The following PDE11A variants were observed in gnomAD, a reference collection of about 807,000 sequenced individuals.
PDE11A encodes phosphodiesterase 11A.
Under a neutral mutation model 100.5 loss-of-function variants are expected in PDE11A, and 100 were observed. The ratio of observed to expected loss-of-function variants is 1.00; its 90% CI spans 0.85 to 1.18. The LOEUF (loss-of-function observed/expected upper bound fraction) is 1.18, where lower values mean the gene tolerates loss of function less well. Among genes scored for constraint, PDE11A ranks in the 50% most tolerant of loss-of-function variants. The pLI is 0.00. For missense variants in PDE11A, 1,141 were observed against 1,152.6 expected (o/e 0.99, Z 0.15); for synonymous variants, 381 against 420.8 (o/e 0.91, Z 1.16).
rs2085130104 is a variant in PDE11A at position 177,926,748 on chromosome 2, T to TG, written c.1072-21562dup. 2.0e-5 allele frequency: 3 copies of TG among 151,206 alleles called. No individual in the cohort carries two copies. The South Asian group carries it at 6.4e-4, about 32-fold the overall frequency. 9.4% of individuals were successfully genotyped at this position (151,206 alleles called of 1,614,324 possible). On this transcript the variant is annotated intron_variant, in intron 2 of 19. Transcript: ENST00000286063. The stretch of plus-strand genomic sequence containing the variant: ...TTTATTTATTATTATCTACATTTCC[T>TG]GGTTTTTTTTCCTTCTACTCAGTCT...
chr2:177,886,086 A>C (rs2084425261), intron 4 of PDE11A, among the ~76,000 whole-genome samples: 1 of 152,194 alleles, frequency 6.6e-6, no homozygotes, highest in Non-Finnish European at 1.5e-5. Context: ...ACACAAAAAT[A>C]AATAGAAATA....
intron 1 of PDE11A, among the ~76,000 whole-genome samples, chr2:178,039,421 T>C (rs2086656751): frequency 6.6e-6 from 1 of 151,998 alleles, no homozygotes; most frequent in African/African-American, 2.4e-5. Flanking sequence ...AAAAAATAAA[T>C]ATTGGGTACC....
intron 9 of PDE11A, among the ~76,000 whole-genome samples, chr2:177,803,321 A>T (rs2082820143): frequency 6.6e-6 from 1 of 151,738 alleles, no homozygotes; most frequent in South Asian, 2.1e-4. Flanking sequence ...AACAACAACA[A>T]CAACAACAAC....
At chr2:177,638,860 T>A (rs923858800) in intron 19 of PDE11A, among the ~76,000 whole-genome samples, 1 of 152,238 alleles carries the variant, frequency 6.6e-6, no homozygotes, top group Non-Finnish European at 1.5e-5. Context: ...CCAGGCTGTG[T>A]GACCTCTGTG....
At chr2:177,845,732 C>T (rs1457894333) in intron 5 of PDE11A, among the ~76,000 whole-genome samples, 1 of 152,318 alleles carries the variant, frequency 6.6e-6, no homozygotes, top group African/African-American at 2.4e-5. Flanking sequence ...GCACTCCAGC[C>T]TGGGCACCAT....
intron 2 of PDE11A, among the ~76,000 whole-genome samples, chr2:177,970,593 A>G (rs2085757011): frequency 6.6e-6 from 1 of 152,022 alleles, no homozygotes; most frequent in Non-Finnish European, 1.5e-5. Flanking sequence ...TTGAGAAGCA[A>G]GCAGAAGATC....
intron 1 of PDE11A, among the ~76,000 whole-genome samples, chr2:178,027,310 G>C (rs2086490216): frequency 1.3e-5 from 2 of 152,028 alleles, no homozygotes; most frequent in South Asian, 4.2e-4. Flanking sequence ...TGTTATAAGT[G>C]GTTTTATTAT....
chr2:177,636,278 A>C (rs1283477916), intron 19 of PDE11A, among the ~76,000 whole-genome samples: 1 of 152,168 alleles, frequency 6.6e-6, no homozygotes, highest in East Asian at 1.9e-4. Flanking sequence ...TGTATACTCC[A>C]GATGCTAATT....
chr2:177,954,372 C>A (rs558969052), intron 2 of PDE11A, among the ~76,000 whole-genome samples: 2 of 152,172 alleles, frequency 1.3e-5, no homozygotes, highest in Non-Finnish European at 2.9e-5. Context: ...AGAGAGAGGT[C>A]CTTTTCAGGT....
chr2:177,713,016 A>ATT (rs35391554), intron 12 of PDE11A, among the ~76,000 whole-genome samples: 5 of 150,048 alleles, frequency 3.3e-5, no homozygotes, highest in Admixed American at 6.6e-5. Flanking sequence ...TGACAATTTT[A>ATT]TTTTTTTTTT....
chr2:177,804,721 A>ATC (rs72535727), intron 9 of PDE11A, among the ~76,000 whole-genome samples: 5 of 151,576 alleles, frequency 3.3e-5, no homozygotes, highest in African/African-American at 7.3e-5. Context: ...TTATATATAT[A>ATC]TCCACATAAT....
chr2:177,725,713 A>G (rs187873334), intron 12 of PDE11A, among the ~76,000 whole-genome samples: 156 of 152,270 alleles, frequency 1.0e-3, no homozygotes, highest in African/African-American at 3.8e-3. Context: ...GGAAAGGATC[A>G]AAATTGCCCA....
intron 1 of PDE11A, among the ~76,000 whole-genome samples, chr2:178,054,063 A>C (rs566675330): frequency 5.6e-4 from 86 of 152,328 alleles, no homozygotes; most frequent in African/African-American, 1.9e-3. Context: ...GTCAATCCTA[A>C]GCCAAAAGAA....
chr2:177,962,431 A>G (rs1397575807), intron 2 of PDE11A, among the ~76,000 whole-genome samples: 2 of 152,132 alleles, frequency 1.3e-5, no homozygotes, highest in African/African-American at 2.4e-5. Flanking sequence ...TATATAATGA[A>G]TTTATATAGT....
chr2:177,786,906 G>A (rs1414915550), intron 9 of PDE11A, among the ~76,000 whole-genome samples: 7 of 151,650 alleles, frequency 4.6e-5, no homozygotes, highest in African/African-American at 1.2e-4. Flanking sequence ...CCAAATCTAC[G>A]TCTGATCGGT....
intron 4 of PDE11A, among the ~76,000 whole-genome samples, chr2:177,891,387 T>C (rs1279826419): frequency 1.3e-5 from 2 of 152,216 alleles, no homozygotes; most frequent in Non-Finnish European, 2.9e-5. Flanking sequence ...AATTTTCTAA[T>C]GCCCATACTC....
intron 2 of PDE11A, among the ~76,000 whole-genome samples, chr2:178,082,271 T>C (rs1270308921): frequency 1.3e-5 from 2 of 152,226 alleles, no homozygotes; most frequent in African/African-American, 4.8e-5. Context: ...TTCGGTCACA[T>C]AGTAAACTCT....
Position 177,668,595 on chromosome 2 carries a change from C to A in PDE11A, c.2562+898G>T, listed in dbSNP as rs533302558. ...CAAGACTGTGCGTTCTGACTTCAAG[C>A]AGATGAAACTATTCAAACTAGGAGC... is the stretch of plus-strand genomic sequence containing the variant. On this transcript the variant is annotated intron_variant, in intron 18 of 19. Transcript: ENST00000286063. 2.6e-5 allele frequency among the ~76,000 whole-genome samples: 4 copies of A among 152,302 alleles called. No individual in the cohort carries two copies. In the South Asian group the frequency reaches 8.3e-4, roughly 32 times the overall value.
rs2085892493 is a variant in PDE11A, at chr2:177,982,268, C to G, written c.1071+32034G>C. Among the ~76,000 whole-genome samples, 2 of 150,412 alleles carry G rather than the reference C, an allele frequency of 1.3e-5. 1 individual carries two copies. ...TTTGGCCAGTTTTCTCTGCCATAAC[C>G]CTGATTGTAACTCCACTCTCATCAT... On this transcript the variant is annotated intron_variant, in intron 2 of 19. Transcript: ENST00000286063.
Sources: gnomAD v4.1 joint callset for allele counts (sites outside exome capture counted in the v4.1 genomes callset) on GRCh38, gnomAD v4.1.1 for gene constraint, MANE v1.5 for transcripts, NCBI Gene and HGNC (gene_info 2026-07-23, HGNC 2026-07-21) for gene names.